The following TBC1D31 variants were observed in gnomAD, a reference collection of about 807,000 sequenced individuals.
TBC1D31 encodes the protein TBC1 domain family member 31, also known as WD repeat domain 67.
In TBC1D31, 99 loss-of-function variants were observed where a neutral mutation model predicts 132.9. The ratio of observed to expected loss-of-function variants is 0.74; its 90% CI spans 0.63 to 0.88. The LOEUF (loss-of-function observed/expected upper bound fraction) is 0.88, where lower values mean the gene tolerates loss of function less well. TBC1D31 is among the 40% of genes least tolerant of loss of function. TBC1D31 has a pLI of 0.00. For missense variants in TBC1D31, 1,134 were observed against 1,256.6 expected, an observed-to-expected ratio of 0.90 and a Z score of 1.48; for synonymous variants, 385 against 419.4, an observed-to-expected ratio of 0.92 and a Z score of 1.00.
At chr8:123,140,975 C>A (rs566025109) in intron 18 of TBC1D31, 74 bp downstream of exon 18, 5 of 1,355,802 alleles carry the variant, frequency 3.7e-6, no homozygotes, top group East Asian at 2.3e-5. Flanking sequence ...AGAACAAAAT[C>A]GAAATTAAAC....
chr8:123,103,827 A>G (rs1278690620), intron 7 of TBC1D31: 1 of 152,224 alleles, frequency 6.6e-6, no homozygotes, highest in Non-Finnish European at 1.5e-5. Context: ...AATTGATATC[A>G]CATGAATAGA....
At position 123,074,402 on chromosome 8, in the gene TBC1D31, T is replaced by A. The variant is rs149692008; in HGVS notation, c.77+1556T>A. ...ACCAGCAGCTTGTTTGGTTCCTGGT[T>A]ACTGTCAGGCCTCTTTATCAATGCC... is the stretch of plus-strand genomic sequence containing the variant. On this transcript the variant is annotated intron_variant, in intron 1 of 21. Coordinates refer to ENST00000287380, the MANE Select transcript of TBC1D31 (RefSeq NM_145647.4). 2.9e-3 allele frequency among the ~76,000 whole-genome samples: 448 copies of A among 152,302 alleles called. 1 individual carries two copies. The highest frequency in any genetic ancestry group is 0.014 in the Middle Eastern group (4 of 294).
chr8:123,100,755 T>G lies in TBC1D31; in HGVS notation c.832-52T>G, dbSNP rs113128767. 2.5e-5 allele frequency: 36 copies of G among 1,432,572 alleles called. 1 individual carries two copies. In the African/African-American group the frequency reaches 3.5e-4, roughly 14 times the overall value. The allele number at this position is 1,432,572 out of a possible 1,614,324, so 88.7% of individuals were successfully genotyped here. On this transcript the variant is annotated intron_variant, in intron 6 of 21. Coordinates refer to ENST00000287380, the MANE Select transcript of TBC1D31 (RefSeq NM_145647.4). ...TAAAGACGTGTATATAGTAGGACTT[T>G]CAGACATTGACTATCACATGTTTTT...
At chr8:123,108,098 C>T (rs1437411576) in intron 8 of TBC1D31, among the ~76,000 whole-genome samples, 1 of 152,162 alleles carries the variant, frequency 6.6e-6, no homozygotes, top group Non-Finnish European at 1.5e-5. Flanking sequence ...TTTCCCTTCA[C>T]CCTTCTCTTA....
chr8:123,126,168 A>G lies in TBC1D31; in HGVS notation c.1683A>G (p.Ile561Met). The G allele has an allele frequency of 6.2e-7, 1 of 1,610,954 alleles. No homozygotes were observed. The highest frequency in any genetic ancestry group is 8.5e-7 in the Non-Finnish European group (1 of 1,178,968). ...FHDKELLQHF[I>M]DHDITSQLYA... ...ACAAGGAACTGCTGCAACACTTCAT[A>G]GATCATGATATAACCTCCCAGGTAA... The change falls in exon 12 of 22, where the codon ATA becomes ATG. Residue 561 changes from isoleucine (I) to methionine (M), a missense_variant. Ile to Met is a conservative substitution (Grantham distance 10, BLOSUM62 1). Transcript: ENST00000287380.
At chr8:123,102,140 A>AG (rs1817488290) in intron 7 of TBC1D31, 1 of 424,538 alleles carries the variant, frequency 2.4e-6, no homozygotes, top group Non-Finnish European at 4.8e-6. Flanking sequence ...AAATTCCCCC[A>AG]GCTAACCAGT....
chr8:123,163,609 G>A, the TBC1D31 span, among the ~76,000 whole-genome samples: 1 of 150,090 alleles, frequency 6.7e-6, no homozygotes, highest in African/African-American at 2.5e-5. Context: ...CAAGCCATTT[G>A]CCCACCTCAG....
the TBC1D31 span, among the ~76,000 whole-genome samples, chr8:123,159,519 C>T: frequency 6.6e-6 from 1 of 152,152 alleles, no homozygotes; most frequent in Non-Finnish European, 1.5e-5. Flanking sequence ...TTGCCGGACG[C>T]GGTGGCTCAC....
chr8:123,082,628 C>G, intron 2 of TBC1D31, 74 bp from the exon 3 acceptor site: 1 of 1,092,322 alleles, frequency 9.2e-7, no homozygotes, highest in Non-Finnish European at 1.3e-6. Context: ...TTCTTCGTCT[C>G]TACGGACTCC....
At chr8:123,085,601 A>AT (rs1448020845) in intron 4 of TBC1D31, among the ~76,000 whole-genome samples, 1 of 151,558 alleles carries the variant, frequency 6.6e-6, no homozygotes, top group African/African-American at 2.4e-5. Context: ...GGCCCGGCTA[A>AT]TTTTTTTTGT....
chr8:123,155,872 G>A (rs757454641), downstream of TBC1D31, among the ~76,000 whole-genome samples: 7 of 152,240 alleles, frequency 4.6e-5, no homozygotes, highest in Non-Finnish European at 1.0e-4. This position sits in a 1 kb window ranked among gnomAD's most constrained non-coding sequence, Gnocchi z 4.1. Context: ...TGGCCTACCA[G>A]TGAAAGTCAC....
intron 6 of TBC1D31, among the ~76,000 whole-genome samples, chr8:123,099,523 T>C (rs1246951645): frequency 6.6e-6 from 1 of 152,118 alleles, no homozygotes; most frequent in African/African-American, 2.4e-5. Context: ...CCCTTGCAAC[T>C]CACAAACTCT....
the TBC1D31 span, among the ~76,000 whole-genome samples, chr8:123,158,637 C>T: frequency 6.6e-6 from 1 of 152,090 alleles, no homozygotes; most frequent in African/African-American, 2.4e-5. Flanking sequence ...TTTTGTTAAT[C>T]ACCTAGAATT....
intron 12 of TBC1D31, 46 bp from the exon 13 acceptor site, chr8:123,126,462 T>A: frequency 1.9e-6 from 3 of 1,555,680 alleles, no homozygotes; most frequent in Non-Finnish European, 2.6e-6. Flanking sequence ...GACTCCCTTT[T>A]TACTTTTCCC....
rs776242678 is a variant in TBC1D31, at chr8:123,129,208, C to G, written c.2260C>G (p.Gln754Glu). 2 of 1,586,390 alleles carry G rather than the reference C, an allele frequency of 1.3e-6. No individual in the cohort carries two copies. The highest frequency in any genetic ancestry group is 2.3e-5 in the South Asian group (2 of 87,794). ...LLQEEEKMIQ[Q>E]RQRLAAVKRE... ...ACAAGAGGAGGAGAAAATGATACAACAAAGACAGAGGTATGTGTTATCACT... is the reference window on the plus strand; with the variant it reads ...ACAAGAGGAGGAGAAAATGATACAAGAAAGACAGAGGTATGTGTTATCACT... Residue 754 changes from glutamine (Q) to glutamate (E), a missense_variant, in exon 15 of 22, where the codon CAA (glutamine) becomes GAA (glutamate). Transcript: ENST00000287380.
At chr8:123,088,550 T>A (rs1816013780) in intron 4 of TBC1D31, among the ~76,000 whole-genome samples, 1 of 152,218 alleles carries the variant, frequency 6.6e-6, no homozygotes, top group Admixed American at 6.5e-5. Flanking sequence ...GTTCGGTTTT[T>A]AAAAAATTTT....
chr8:123,078,684 C>T lies in TBC1D31; in HGVS notation c.224+1427C>T, dbSNP rs919506169. On this transcript the variant is annotated intron_variant, in intron 2 of 21. Coordinates refer to ENST00000287380, the MANE Select transcript of TBC1D31 (RefSeq NM_145647.4). ...AAGAAGGAATTGTTCAAAGAATGTT[C>T]GGGATGTGTCAAAAAGACACAGTTG... Among the ~76,000 whole-genome samples the T allele has an allele frequency of 5.9e-5, 9 of 152,224 alleles. No individual in the cohort carries two copies. The East Asian group carries it at 9.6e-4, about 16-fold the overall frequency.
chr8:123,154,843 C>T (rs761489123), downstream of TBC1D31, among the ~76,000 whole-genome samples: 3 of 152,256 alleles, frequency 2.0e-5, no homozygotes, highest in South Asian at 4.2e-4. Flanking sequence ...ACTGGTGGGC[C>T]GTGAAGCAAG....
Position 123,152,038 on chromosome 8 carries a change from C to A in TBC1D31, c.*99C>A. The A allele has an allele frequency of 1.7e-6, 2 of 1,167,152 alleles. No individual in the cohort carries two copies. Among genetic ancestry groups the A allele is most frequent in the Non-Finnish European group, 2.2e-6 (2 of 898,824 alleles). 72.3% of individuals were successfully genotyped at this position (1,167,152 alleles called of 1,614,324 possible). A position where few individuals can be genotyped will look rare whatever the true frequency, so the allele number is the denominator to read the frequency against. On this transcript the variant is annotated 3_prime_UTR_variant, in exon 22 of 22. Transcript: ENST00000287380. ...ATTTAAAATTCCTATAAAGATCAGC[C>A]CTTTGTACAGAAAAATGTGTCTATA...
Sources: gnomAD v4.1 joint callset for allele counts (sites outside exome capture counted in the v4.1 genomes callset) on GRCh38, gnomAD v4.1.1 for gene constraint, Gnocchi (gnomAD v3.1) non-coding constraint, MANE v1.5 for transcripts, NCBI Gene and HGNC (gene_info 2026-07-23, HGNC 2026-07-21) for gene names.